SLFN12L: variants seen among roughly 807,000 people sequenced by gnomAD.
SLFN12L encodes the protein schlafen family member 12-like.
In SLFN12L, 34 loss-of-function variants were observed where a neutral mutation model predicts 34.8. The observed-to-expected ratio is 0.98, with a 90% confidence interval of 0.74 to 1.30. The LOEUF (loss-of-function observed/expected upper bound fraction) is 1.30. SLFN12L is among the 50% of genes most tolerant of loss of function. SLFN12L has a pLI of 0.00. For missense variants in SLFN12L, 703 were observed against 696.2 expected, an observed-to-expected ratio of 1.01 and a Z score of -0.11; for synonymous variants, 259 against 247.5, an observed-to-expected ratio of 1.05 and a Z score of -0.44.
intron 2 of SLFN12L, among the ~76,000 whole-genome samples, chr17:35,520,565 C>G (rs1402810222): frequency 1.3e-5 from 2 of 152,066 alleles, no homozygotes; most frequent in Non-Finnish European, 2.9e-5. Flanking sequence ...GCCAACATGG[C>G]AAAACCCGTA....
chr17:35,480,384 C>A, intron 2 of SLFN12L, 189 bp from the exon 3 acceptor site: 1 of 469,372 alleles, frequency 2.1e-6, no homozygotes, highest in Non-Finnish European at 3.7e-6. Flanking sequence ...ACTGAATTTT[C>A]AAATTTGTTA....
chr17:35,496,814 T>C (rs532012138), intron 2 of SLFN12L, among the ~76,000 whole-genome samples: 1 of 152,190 alleles, frequency 6.6e-6, no homozygotes, highest in Non-Finnish European at 1.5e-5. Context: ...GTGATTCTTA[T>C]GGCTTTGTGC....
intron 1 of SLFN12L, among the ~76,000 whole-genome samples, chr17:35,533,255 C>G (rs965709462): frequency 2.0e-5 from 3 of 152,176 alleles, no homozygotes; most frequent in African/African-American, 4.8e-5. Flanking sequence ...TATTAATGAA[C>G]TAGGTACTTC....
intron 2 of SLFN12L, among the ~76,000 whole-genome samples, chr17:35,485,228 T>G (rs527738045): frequency 6.6e-6 from 1 of 152,228 alleles, no homozygotes; most frequent in Admixed American, 6.5e-5. Context: ...TCATTTTGAC[T>G]AGATGAGATG....
intron 2 of SLFN12L, chr17:35,490,923 A>G (rs112016379): frequency 3.9e-5 from 31 of 795,308 alleles, no homozygotes; most frequent in African/African-American, 2.2e-4. Context: ...CAAGACCCCA[A>G]TGGGAATATC....
Position 35,471,321 on chromosome 17 carries a change from G to A in SLFN12L, c.*3602C>T, listed in dbSNP as rs932719043. Among the ~76,000 whole-genome samples, 2 of 152,090 alleles carry A rather than the reference G, an allele frequency of 1.3e-5. No homozygotes were observed. Among genetic ancestry groups the A allele is most frequent in the Non-Finnish European group, 2.9e-5 (2 of 67,998 alleles). ...CCAGCTAATTCTTGTATTTTTAGTA[G>A]AAATGGGGTTTCACCATGTTGGCCA... On this transcript the variant is annotated 3_prime_UTR_variant, in exon 5 of 5. Coordinates refer to ENST00000628453, the MANE Select transcript of SLFN12L (RefSeq NM_001363830.2).
intron 2 of SLFN12L, among the ~76,000 whole-genome samples, chr17:35,485,307 AGCAG>A (rs1914535011): frequency 6.6e-6 from 1 of 152,128 alleles, no homozygotes; most frequent in South Asian, 2.1e-4. Context: ...AATGTTTGTG[AGCAG>A]CTTGCATGTT....
chr17:35,511,588 C>T (rs12051842), intron 2 of SLFN12L, among the ~76,000 whole-genome samples: 14 of 52,530 alleles, frequency 2.7e-4, no homozygotes, highest in Middle Eastern at 7.5e-3. Context: ...CACACATACA[C>T]ACACACACAC....
chr17:35,520,361 T>G (rs1449238332), intron 2 of SLFN12L, among the ~76,000 whole-genome samples: 1 of 152,240 alleles, frequency 6.6e-6, no homozygotes, highest in Non-Finnish European at 1.5e-5. Context: ...AGTGCCTTCT[T>G]CTCCTGAAAA....
intron 2 of SLFN12L, among the ~76,000 whole-genome samples, chr17:35,503,412 C>T (rs1264918473): frequency 1.3e-5 from 2 of 152,066 alleles, no homozygotes; most frequent in Non-Finnish European, 2.9e-5. Flanking sequence ...AATGGTCCGA[C>T]ATTAAAAATT....
chr17:35,522,469 T>C lies in SLFN12L; in HGVS notation c.-105A>G. ...GAGAATATCTCATACTGCTGGGCTG[T>C]GAGCAGATTTAAAACCTCATAGCTG... is the stretch of plus-strand genomic sequence containing the variant. On this transcript the variant is annotated 5_prime_UTR_variant, in exon 2 of 5. Transcript: ENST00000628453. 1.2e-6 allele frequency: 2 copies of C among 1,613,736 alleles called. No homozygotes were observed. Among genetic ancestry groups the C allele is most frequent in the South Asian group, 1.1e-5 (1 of 91,068 alleles).
At chr17:35,504,424 C>T (rs538930989) in intron 2 of SLFN12L, among the ~76,000 whole-genome samples, 69 of 152,328 alleles carry the variant, frequency 4.5e-4, no homozygotes, top group African/African-American at 1.6e-3. Flanking sequence ...AGACTGAAAA[C>T]AAACTTTGGC....
intron 2 of SLFN12L, among the ~76,000 whole-genome samples, chr17:35,496,810 C>T (rs1051867982): frequency 6.6e-6 from 1 of 152,182 alleles, no homozygotes; most frequent in Non-Finnish European, 1.5e-5. Flanking sequence ...TCCAGTGATT[C>T]TTATGGCTTT....
chr17:35,521,575 T>C (rs6505479), intron 2 of SLFN12L, among the ~76,000 whole-genome samples: 98,097 of 152,074 alleles, frequency 0.65, 33,424 homozygotes, highest in Non-Finnish European at 0.75. Context: ...CAAAACCCAA[T>C]TGAGCCTGGC....
chr17:35,487,880 C>T, intron 2 of SLFN12L: 2 of 866,322 alleles, frequency 2.3e-6, no homozygotes, highest in Non-Finnish European at 3.7e-6. Flanking sequence ...ACCGCACGCG[C>T]TGTTATCGAC....
rs1913821810 is a variant in SLFN12L, at chr17:35,472,396, T to C, written c.*2527A>G. ...ACCATTTATTGAATAGAAGATCCTT[T>C]CCCCATTGCTTGTTTTTGTCAAGTT... is the stretch of plus-strand genomic sequence containing the variant. On this transcript the variant is annotated 3_prime_UTR_variant, in exon 5 of 5. Transcript: ENST00000628453. Among the ~76,000 whole-genome samples the C allele has an allele frequency of 6.6e-6, 1 of 152,204 alleles. No homozygotes were observed. Among genetic ancestry groups the C allele is most frequent in the East Asian group, 1.9e-4 (1 of 5,198 alleles).
rs552176497 is a variant in SLFN12L at position 35,488,382 on chromosome 17, C to G, written c.87-8187G>C. 1.9e-3 allele frequency among the ~76,000 whole-genome samples: 292 copies of G among 152,326 alleles called. 1 individual carries two copies. The highest frequency in any genetic ancestry group is 6.4e-3 in the African/African-American group (266 of 41,574). ...GGAGGTGCGAGGAGCGGGTTGCTCT[C>G]AGAGAGACAGAGTTGAACAACTACC... On this transcript the variant is annotated intron_variant, in intron 2 of 4. Transcript: ENST00000628453.
intron 2 of SLFN12L, chr17:35,500,394 G>A (rs1181133358): frequency 6.6e-6 from 1 of 152,352 alleles, no homozygotes; most frequent in South Asian, 2.1e-4. Flanking sequence ...GAAATCCACA[G>A]GCAGATAGCC....
At chr17:35,535,315 C>G (rs535125969) in intron 1 of SLFN12L, among the ~76,000 whole-genome samples, 18 of 151,588 alleles carry the variant, frequency 1.2e-4, no homozygotes, top group Non-Finnish European at 2.1e-4. Flanking sequence ...CTCAGCCTCC[C>G]TAGTAGCTGG....
Sources: allele counts gnomAD v4.1 joint callset (sites outside exome capture counted in the v4.1 genomes callset), GRCh38; gene constraint gnomAD v4.1.1; transcripts MANE v1.5; gene names NCBI Gene and HGNC (gene_info 2026-07-23, HGNC 2026-07-21).